Variants in SERPINI2 observed in about 807,000 individuals in gnomAD.
The protein encoded by SERPINI2 is serpin family I member 2.
In SERPINI2, 48 loss-of-function variants were observed where a neutral mutation model predicts 47.3. The observed-to-expected ratio is 1.02, with a 90% CI of 0.81 to 1.29. The LOEUF is 1.29. SERPINI2 is among the 50% of genes most tolerant of loss of function. The pLI is 0.00. For missense variants in SERPINI2, 448 were observed against 456.9 expected, an observed-to-expected ratio of 0.98 and a Z score of 0.18; for synonymous variants, 135 against 149.3, an observed-to-expected ratio of 0.90 and a Z score of 0.70.
intron 5 of SERPINI2, among the ~76,000 whole-genome samples, chr3:167,460,281 A>G (rs975660746): frequency 1.3e-5 from 2 of 152,204 alleles, no homozygotes; most frequent in African/African-American, 4.8e-5. Context: ...ATAAAATATA[A>G]ATCTGCCAGT....
intron 2 of SERPINI2, among the ~76,000 whole-genome samples, chr3:167,468,580 G>C (rs1230973803): frequency 6.6e-6 from 1 of 151,980 alleles, no homozygotes; most frequent in Non-Finnish European, 1.5e-5. Context: ...CTGTTCACTG[G>C]TATATAGATA....
intron 6 of SERPINI2, among the ~76,000 whole-genome samples, chr3:167,452,243 G>A (rs1326631833): frequency 6.6e-6 from 1 of 152,080 alleles, no homozygotes; most frequent in Admixed American, 6.6e-5. Flanking sequence ...TTTAAAAGAG[G>A]GTAAGTAACT....
chr3:167,465,231 C>T, exon 5 of SERPINI2: 1 of 1,611,136 alleles, frequency 6.2e-7, no homozygotes, highest in Non-Finnish European at 8.5e-7. Flanking sequence ...TCTACTTCCT[C>T]TTCTTGCATC....
chr3:167,456,164 G>GTGTA (rs1411985041), intron 5 of SERPINI2, among the ~76,000 whole-genome samples: 5 of 150,260 alleles, frequency 3.3e-5, no homozygotes, highest in African/African-American at 1.2e-4. Context: ...GTGTGTGTGT[G>GTGTA]TGTGTGTGTG....
chr3:167,443,826 A>T, intron 8 of SERPINI2, among the ~76,000 whole-genome samples: 1 of 152,166 alleles, frequency 6.6e-6, no homozygotes, highest in East Asian at 1.9e-4. Flanking sequence ...GCCATCATCA[A>T]TCTACTTACT....
At chr3:167,467,634 C>A (rs9821999) in intron 2 of SERPINI2, among the ~76,000 whole-genome samples, 21 of 152,244 alleles carry the variant, frequency 1.4e-4, no homozygotes, top group Admixed American at 7.2e-4. Flanking sequence ...ATTTGCATAA[C>A]GTGAGCATGT....
chr3:167,468,811 C>T (rs1750226422), intron 2 of SERPINI2, among the ~76,000 whole-genome samples: 1 of 152,064 alleles, frequency 6.6e-6, no homozygotes, highest in Non-Finnish European at 1.5e-5. Flanking sequence ...AAAAGGCTTT[C>T]TGAGTAAAGA....
At chr3:167,467,021 C>T in intron 3 of SERPINI2, 34 bp downstream of exon 3, 2 of 1,488,558 alleles carry the variant, frequency 1.3e-6, no homozygotes, top group Non-Finnish European at 1.9e-6. Flanking sequence ...AATACAATGG[C>T]AAATAATAAT....
At chr3:167,476,465 A>G (rs1015248359), upstream of SERPINI2, among the ~76,000 whole-genome samples, 5 of 152,162 alleles carry the variant, frequency 3.3e-5, no homozygotes, top group Non-Finnish European at 7.4e-5. Context: ...TTACAGAAGA[A>G]GCCCTGATGT....
chr3:167,465,144 C>A, intron 5 of SERPINI2, 62 bp downstream of exon 5: 1 of 1,384,446 alleles, frequency 7.2e-7, no homozygotes, highest in Non-Finnish European at 1.0e-6. Context: ...TTTCAGCTGA[C>A]TGCTCAAATT....
intron 3 of SERPINI2, 68 bp from the exon 4 acceptor site, chr3:167,465,741 T>C (rs964454113): frequency 4.4e-6 from 6 of 1,370,642 alleles, no homozygotes; most frequent in Non-Finnish European, 9.9e-7. Flanking sequence ...TTGCTTTGAA[T>C]AGAATTAAAG....
intron 5 of SERPINI2, among the ~76,000 whole-genome samples, chr3:167,464,916 T>C (rs1227298377): frequency 6.6e-6 from 1 of 152,132 alleles, no homozygotes; most frequent in Non-Finnish European, 1.5e-5. Flanking sequence ...AAAATTAGCA[T>C]AATAAAAAGA....
intron 5 of SERPINI2, among the ~76,000 whole-genome samples, chr3:167,461,552 G>A (rs188172721): frequency 2.6e-5 from 4 of 152,070 alleles, no homozygotes; most frequent in African/African-American, 9.6e-5. Flanking sequence ...AGATGACGAG[G>A]GCGTAAGCTA....
intron 8 of SERPINI2, among the ~76,000 whole-genome samples, chr3:167,445,633 A>G (rs1749456942): frequency 6.6e-6 from 1 of 152,202 alleles, no homozygotes; most frequent in South Asian, 2.1e-4. Flanking sequence ...AGATGAGTAA[A>G]ATATAATTTC....
chr3:167,467,424 GT>G (rs1750169991), intron 2 of SERPINI2, 139 bp from the exon 3 acceptor site: 1 of 582,900 alleles, frequency 1.7e-6, no homozygotes, highest in African/African-American at 1.9e-5. Flanking sequence ...TTCAAAGTTA[GT>G]ATAAATATTT....
intron 5 of SERPINI2, among the ~76,000 whole-genome samples, chr3:167,459,296 G>A (rs891153375): frequency 6.6e-6 from 1 of 151,772 alleles, no homozygotes; most frequent in Non-Finnish European, 1.5e-5. Context: ...GGATGGTCTC[G>A]ATCTCCTGAC....
At chr3:167,456,607 T>TTGCTTGCCCTAC (rs1749801733) in intron 5 of SERPINI2, among the ~76,000 whole-genome samples, 1 of 152,202 alleles carries the variant, frequency 6.6e-6, no homozygotes, top group Non-Finnish European at 1.5e-5. Context: ...GCTCCCTCTC[T>TTGCTTGCCCTAC]TGCTTGCCCT....
exon 2 of SERPINI2, chr3:167,471,631 C>T (rs1193013785): frequency 6.2e-7 from 1 of 1,613,598 alleles, no homozygotes; most frequent in Admixed American, 1.7e-5. Context: ...TTATCTGCTG[C>T]TGTGCTTTTC....
intron 5 of SERPINI2, among the ~76,000 whole-genome samples, chr3:167,458,159 C>T (rs1413206817): frequency 6.9e-6 from 1 of 143,936 alleles, no homozygotes; most frequent in African/African-American, 2.7e-5. Flanking sequence ...TGTGCACTCT[C>T]CGTTTTTGTG....
Sources: gnomAD v4.1 joint callset for allele counts (sites outside exome capture counted in the v4.1 genomes callset) on GRCh38, gnomAD v4.1.1 for gene constraint, MANE v1.5 for transcripts, NCBI Gene and HGNC (gene_info 2026-07-23, HGNC 2026-07-21) for gene names.